STIM2: variants seen among roughly 807,000 people sequenced by gnomAD.
STIM2 encodes stromal interaction molecule 2.
A neutral mutation model predicts 85.8 loss-of-function variants in STIM2; 31 were observed. The ratio of observed to expected loss-of-function variants is 0.36; its 90% CI spans 0.27 to 0.49. STIM2 has a LOEUF of 0.49. STIM2 is among the 20% of genes least tolerant of loss of function. The pLI, the probability that STIM2 is intolerant of heterozygous loss-of-function variation, is 0.98. For missense variants in STIM2, 841 were observed against 927.6 expected, an observed-to-expected ratio of 0.91 and a Z score of 1.21; for synonymous variants, 356 against 331.1, an observed-to-expected ratio of 1.08 and a Z score of -0.82.
At chr4:26,910,264 A>G (rs915822587) in intron 1 of STIM2, among the ~76,000 whole-genome samples, 3 of 152,108 alleles carry the variant, frequency 2.0e-5, no homozygotes, top group African/African-American at 4.8e-5. Context: ...GCTCACGCTT[A>G]TAATTCCAGC....
intron 2 of STIM2, among the ~76,000 whole-genome samples, chr4:26,929,379 C>T (rs1725115547): frequency 6.6e-6 from 1 of 151,890 alleles, no homozygotes; most frequent in African/African-American, 2.4e-5. Context: ...GTTTGTATTT[C>T]TTGTTAAGGT....
At chr4:26,917,657 A>G (rs1724633798) in intron 1 of STIM2, among the ~76,000 whole-genome samples, 1 of 152,130 alleles carries the variant, frequency 6.6e-6, no homozygotes, top group Non-Finnish European at 1.5e-5. Flanking sequence ...CTGTGGTTAT[A>G]TGGTCCTCAC....
chr4:26,939,955 C>T (rs1361597226), intron 2 of STIM2, among the ~76,000 whole-genome samples: 1 of 152,168 alleles, frequency 6.6e-6, no homozygotes, highest in Non-Finnish European at 1.5e-5. Flanking sequence ...TAGTAATACA[C>T]ATGAATCGTG....
intron 1 of STIM2, among the ~76,000 whole-genome samples, chr4:26,893,866 A>G (rs1415883142): frequency 2.0e-5 from 3 of 151,028 alleles, no homozygotes; most frequent in South Asian, 2.1e-4. Flanking sequence ...TCATTTTTTT[A>G]TTGAGTTGGA....
intron 3 of STIM2, among the ~76,000 whole-genome samples, chr4:26,981,405 TTAG>T (rs906198513): frequency 6.6e-6 from 1 of 152,362 alleles, no homozygotes; most frequent in African/African-American, 2.4e-5. Context: ...AAGCTCGCAA[TTAG>T]TAGAATTCTC....
At chr4:26,938,366 ACT>A (rs1007285233) in intron 2 of STIM2, among the ~76,000 whole-genome samples, 2 of 151,844 alleles carry the variant, frequency 1.3e-5, no homozygotes, top group Admixed American at 1.3e-4. Flanking sequence ...AAGATGAAAA[ACT>A]CTGGGGATCT....
At chr4:26,973,646 C>G (rs1270886293) in intron 3 of STIM2, among the ~76,000 whole-genome samples, 1 of 152,046 alleles carries the variant, frequency 6.6e-6, no homozygotes, top group Non-Finnish European at 1.5e-5. Context: ...CTGAGGAGTG[C>G]TTTACTTCCG....
intron 3 of STIM2, among the ~76,000 whole-genome samples, chr4:26,960,393 A>G (rs1464856261): frequency 6.6e-6 from 1 of 152,148 alleles, no homozygotes; most frequent in Non-Finnish European, 1.5e-5. Flanking sequence ...ATATATGTAT[A>G]TATAAAACAC....
chr4:26,887,243 G>T (rs59791955), intron 1 of STIM2, among the ~76,000 whole-genome samples: 2 of 111,852 alleles, frequency 1.8e-5, no homozygotes, highest in Non-Finnish European at 3.6e-5. Flanking sequence ...TTAAAACTTA[G>T]AATTTATTTG....
At chr4:26,893,615 T>C (rs906307122) in intron 1 of STIM2, among the ~76,000 whole-genome samples, 1 of 152,200 alleles carries the variant, frequency 6.6e-6, no homozygotes, top group African/African-American at 2.4e-5. Flanking sequence ...ACTATTTCTT[T>C]ATTGCACATT....
At chr4:26,968,689 G>C (rs1326138253) in intron 3 of STIM2, among the ~76,000 whole-genome samples, 1 of 152,110 alleles carries the variant, frequency 6.6e-6, no homozygotes, top group Non-Finnish European at 1.5e-5. Context: ...TTATGTTATG[G>C]ATATTTCACC....
intron 1 of STIM2, among the ~76,000 whole-genome samples, chr4:26,903,680 A>G (rs977410972): frequency 6.6e-6 from 1 of 152,182 alleles, no homozygotes; most frequent in Non-Finnish European, 1.5e-5. Flanking sequence ...GAGGCCTGCA[A>G]AGAATACTAA....
At position 27,023,442 on chromosome 4, in the gene STIM2, C is replaced by A; in HGVS notation, c.*446C>A. On this transcript the variant is annotated 3_prime_UTR_variant, in exon 12 of 12. Coordinates refer to ENST00000467087, the MANE Select transcript of STIM2 (RefSeq NM_020860.4). Reference sequence around the variant, plus strand: ...ACTATATAACTTAAAAGAAGTAAAACGTAATTGCACTACTGTTTTCCAGAC... The same window carrying A: ...ACTATATAACTTAAAAGAAGTAAAAAGTAATTGCACTACTGTTTTCCAGAC... 1 of 153,004 alleles carries A rather than the reference C, an allele frequency of 6.5e-6. No individual in the cohort carries two copies. Among genetic ancestry groups the A allele is most frequent in the Non-Finnish European group, 1.4e-5 (1 of 69,980 alleles). The allele number at this position is 153,004 out of a possible 1,614,324, so 9.5% of individuals were successfully genotyped here.
Position 26,971,719 on chromosome 4 carries a change from C to T in STIM2, c.397+13993C>T, listed in dbSNP as rs1020121890. Among the ~76,000 whole-genome samples the T allele has an allele frequency of 3.2e-4, 49 of 152,264 alleles. No individual in the cohort carries two copies. In the Middle Eastern group the frequency reaches 0.01, roughly 32 times the overall value. ...TTCTTTTTGCTTAGGATTGTCTTGGCAATGTGGGCTCTTTTTTGGTTCCAT... is the reference window on the plus strand; with the variant it reads ...TTCTTTTTGCTTAGGATTGTCTTGGTAATGTGGGCTCTTTTTTGGTTCCAT... On this transcript the variant is annotated intron_variant, in intron 3 of 11. Transcript: ENST00000467087.
chr4:26,861,400 C>T (rs926995138), intron 1 of STIM2, 31 bp downstream of exon 1: 9 of 1,282,288 alleles, frequency 7.0e-6, no homozygotes, highest in African/African-American at 6.2e-5. Context: ...GGGCGGGGCT[C>T]GGCCGGCAGC....
intron 3 of STIM2, among the ~76,000 whole-genome samples, chr4:26,960,353 G>T (rs1019049994): frequency 2.6e-5 from 4 of 151,918 alleles, no homozygotes; most frequent in Non-Finnish European, 2.9e-5. Context: ...TACAGAAAGT[G>T]TGTATGTTTG....
chr4:26,994,235 C>T (rs1419349251), intron 3 of STIM2, among the ~76,000 whole-genome samples: 2 of 152,100 alleles, frequency 1.3e-5, no homozygotes, highest in African/African-American at 2.4e-5. Flanking sequence ...TCAAACATAA[C>T]GTGTCTTAAA....
In STIM2 at chr4:27,023,821, A is replaced by G. The variant is rs1728996452; in HGVS notation, c.*825A>G. ...GGAAGAGTTGAAACTTGATTGAAGG[A>G]CTTAAAACATTCACAACCTTAAGCC... On this transcript the variant is annotated 3_prime_UTR_variant, in exon 12 of 12. Transcript: ENST00000467087. 6.5e-6 allele frequency: 1 copy of G among 152,684 alleles called. No individual in the cohort carries two copies. Among genetic ancestry groups the G allele is most frequent in the South Asian group, 2.1e-4 (1 of 4,834 alleles). 9.5% of individuals were successfully genotyped at this position (152,684 alleles called of 1,614,324 possible).
intron 1 of STIM2, among the ~76,000 whole-genome samples, chr4:26,918,177 C>A (rs1724659472): frequency 1.3e-5 from 2 of 149,388 alleles, no homozygotes; most frequent in South Asian, 2.1e-4. Context: ...GTTAAAACAC[C>A]AAAATATTTT....
Sources: allele counts gnomAD v4.1 joint callset (sites outside exome capture counted in the v4.1 genomes callset), GRCh38; gene constraint gnomAD v4.1.1; transcripts MANE v1.5; gene names NCBI Gene and HGNC (gene_info 2026-07-23, HGNC 2026-07-21).